The following OPALIN variants were observed in gnomAD, a reference collection of about 807,000 sequenced individuals.
The protein encoded by OPALIN is oligodendrocytic myelin paranodal and inner loop protein, also known as transmembrane protein 10.
OPALIN carries 15 observed loss-of-function variants against 17.8 expected under a neutral mutation model. The ratio of observed to expected loss-of-function variants is 0.84; its 90% CI spans 0.56 to 1.29. The LOEUF (loss-of-function observed/expected upper bound fraction) is 1.29. Ranked by LOEUF, OPALIN falls within the 50% of genes most tolerant of loss-of-function variation. The pLI is 0.00. For synonymous variants in OPALIN, 62 were observed against 63.8 expected, an observed-to-expected ratio of 0.97 and a Z score of 0.14; for missense variants, 170 against 176.0, an observed-to-expected ratio of 0.97 and a Z score of 0.19.
rs527238251 is a variant in OPALIN, at chr10:96,358,790, T to A, written c.3+104A>T. 7 of 1,198,538 alleles carry A rather than the reference T, an allele frequency of 5.8e-6. No individual in the cohort carries two copies. In the Admixed American group the frequency reaches 1.1e-4, roughly 19 times the overall value. 74.2% of individuals were successfully genotyped at this position (1,198,538 alleles called of 1,614,324 possible). ...GTATTTTGCATATAGGAAAATAATT[T>A]AAAATAAAGTCCCTTTACTTCATTG... On this transcript the variant is annotated intron_variant, in intron 1 of 5. Coordinates refer to ENST00000371172, the MANE Select transcript of OPALIN (RefSeq NM_033207.5).
intron 1 of OPALIN, among the ~76,000 whole-genome samples, chr10:96,356,134 T>A (rs1296345626): frequency 6.6e-6 from 1 of 152,166 alleles, no homozygotes; most frequent in Non-Finnish European, 1.5e-5. Flanking sequence ...AGTGGTCTTG[T>A]TCCCACTTTC....
At chr10:96,350,260 G>A (rs1187723328) in intron 3 of OPALIN, among the ~76,000 whole-genome samples, 3 of 152,122 alleles carry the variant, frequency 2.0e-5, no homozygotes, top group Admixed American at 6.5e-5. Context: ...CTGTTGCCCA[G>A]GCTGGAGTGC....
chr10:96,355,387 T>A, intron 1 of OPALIN, 97 bp from the exon 2 acceptor site: 2 of 1,119,794 alleles, frequency 1.8e-6, no homozygotes, highest in Non-Finnish European at 2.7e-6. Flanking sequence ...TTCCGAGAGG[T>A]CATTGATCCT....
At chr10:96,346,183 C>A in intron 5 of OPALIN, 66 bp from the exon 6 acceptor site, 2 of 1,438,990 alleles carry the variant, frequency 1.4e-6, no homozygotes, top group Non-Finnish European at 1.9e-6. Flanking sequence ...GATGGACTAA[C>A]AGCAACCACA....
chr10:96,357,652 C>A (rs553517236), intron 1 of OPALIN, among the ~76,000 whole-genome samples: 1 of 152,148 alleles, frequency 6.6e-6, no homozygotes, highest in African/African-American at 2.4e-5. Flanking sequence ...AAGGGAATAC[C>A]GTAATGTCAT....
At chr10:96,350,831 T>C (rs529055900) in intron 3 of OPALIN, among the ~76,000 whole-genome samples, 1 of 152,336 alleles carries the variant, frequency 6.6e-6, no homozygotes, top group East Asian at 1.9e-4. Context: ...TCTGGAAATA[T>C]TGAAGATAAT....
In OPALIN at chr10:96,345,963, A is replaced by C. The variant is rs756323238; in HGVS notation, c.404T>G (p.Val135Gly). ...MERRRGLWWLVPRLSLE is the reference protein window; with the variant it reads ...MERRRGLWWLGPRLSLE ...GCATCATTCCAGGCTCAGTCTGGGC[A>C]CAAGCCACCACAATCCCCTCCTTCT... The change falls in exon 6 of 6, where the codon GTG becomes GGG. Residue 135 changes from valine (V) to glycine (G), a missense_variant. Coordinates refer to ENST00000371172, the MANE Select transcript of OPALIN (RefSeq NM_033207.5). 8 of 1,613,998 alleles carry C rather than the reference A, an allele frequency of 5.0e-6. No homozygotes were observed. Among genetic ancestry groups the C allele is most frequent in the African/African-American group, 1.3e-5 (1 of 74,908 alleles).
intron 3 of OPALIN, among the ~76,000 whole-genome samples, chr10:96,350,547 T>G (rs911392301): frequency 6.6e-5 from 10 of 152,228 alleles, no homozygotes; most frequent in African/African-American, 2.4e-4. Context: ...TTAAAAAAAT[T>G]TATTTGCACT....
chr10:96,348,247 C>T, intron 5 of OPALIN, 42 bp downstream of exon 5: 2 of 925,130 alleles, frequency 2.2e-6, no homozygotes, highest in South Asian at 3.8e-5. Context: ...AGCTTGTTTA[C>T]TGTGTGAATG....
In OPALIN at chr10:96,351,447, A is replaced by G. The variant is rs779402508; in HGVS notation, c.40-37T>C. 5 of 1,395,040 alleles carry G rather than the reference A, an allele frequency of 3.6e-6. No individual in the cohort carries two copies. The East Asian group carries it at 9.7e-5, about 27-fold the overall frequency. 86.4% of individuals were successfully genotyped at this position (1,395,040 alleles called of 1,614,324 possible). On this transcript the variant is annotated intron_variant, in intron 2 of 5. Coordinates refer to ENST00000371172, the MANE Select transcript of OPALIN (RefSeq NM_033207.5). ...AAGAACATATATTGTAAAAGAACAA[A>G]AAGTCTATAGAATATACATTATACA...
chr10:96,348,270 T>C lies in OPALIN; in HGVS notation c.249+19A>G. ...TACTGTGTGAATGGTATATAGAGAG[T>C]ATAACCAAGAGTTCTTACCTCAGAT... is the stretch of plus-strand genomic sequence containing the variant. On this transcript the variant is annotated intron_variant, in intron 5 of 5. Transcript: ENST00000371172. 1 of 1,349,244 alleles carries C rather than the reference T, an allele frequency of 7.4e-7. No individual in the cohort carries two copies. Among genetic ancestry groups the C allele is most frequent in the East Asian group, 2.3e-5 (1 of 43,276 alleles). 83.6% of individuals were successfully genotyped at this position (1,349,244 alleles called of 1,614,324 possible). A position where few individuals can be genotyped will look rare whatever the true frequency, so the allele number is the denominator to read the frequency against.
chr10:96,355,242 C>T lies in OPALIN; in HGVS notation c.39+13G>A. 6.2e-7 allele frequency: 1 copy of T among 1,609,484 alleles called. No homozygotes were observed. Among genetic ancestry groups the T allele is most frequent in the African/African-American group, 1.3e-5 (1 of 74,424 alleles). ...CTCTGCGTTGCCTGGTGAATGGGGG[C>T]TGCTGTACTTACTGTGTTCGCCGGC... On this transcript the variant is annotated intron_variant, in intron 2 of 5. Coordinates refer to ENST00000371172, the MANE Select transcript of OPALIN (RefSeq NM_033207.5).
At position 96,347,216 on chromosome 10, in the gene OPALIN, C is replaced by A. The variant is rs188146892; in HGVS notation, c.249+1073G>T. Among the ~76,000 whole-genome samples, 22 of 151,934 alleles carry A rather than the reference C, an allele frequency of 1.4e-4. No individual in the cohort carries two copies. The East Asian group carries it at 2.3e-3, about 16-fold the overall frequency. ...AAGTGATTCTCCTGCTTCAGCCCCC[C>A]ACGAAGTAGCTGGGATTACAGGCAC... On this transcript the variant is annotated intron_variant, in intron 5 of 5. Coordinates refer to ENST00000371172, the MANE Select transcript of OPALIN (RefSeq NM_033207.5).
chr10:96,350,383 T>G (rs956206164), intron 3 of OPALIN, among the ~76,000 whole-genome samples: 1 of 152,156 alleles, frequency 6.6e-6, no homozygotes, highest in Non-Finnish European at 1.5e-5. Flanking sequence ...ACCCAGCTAA[T>G]TTTTGTATTT....
chr10:96,351,226 CT>C, intron 3 of OPALIN, 151 bp downstream of exon 3: 1 of 598,958 alleles, frequency 1.7e-6, no homozygotes, highest in Non-Finnish European at 3.0e-6. Context: ...TTCTCCCTCA[CT>C]TTTGAGCGGA....
intron 4 of OPALIN, among the ~76,000 whole-genome samples, chr10:96,348,637 T>G (rs1014914732): frequency 5.3e-5 from 8 of 152,260 alleles, no homozygotes; most frequent in African/African-American, 1.9e-4. Flanking sequence ...TCCTCTCTAC[T>G]TTAGTATATG....
chr10:96,352,806 A>C (rs1166426886), intron 2 of OPALIN, among the ~76,000 whole-genome samples: 6 of 152,106 alleles, frequency 3.9e-5, no homozygotes, highest in African/African-American at 1.4e-4. Flanking sequence ...ACTTGTGTGA[A>C]CCGAAGGCAC....
At position 96,345,648 on chromosome 10, in the gene OPALIN, C is replaced by A. The variant is rs540300509; in HGVS notation, c.*293G>T. 3 of 314,330 alleles carry A rather than the reference C, an allele frequency of 9.5e-6. No individual in the cohort carries two copies. Among genetic ancestry groups the A allele is most frequent in the African/African-American group, 6.4e-5 (3 of 46,902 alleles). 19.5% of individuals were successfully genotyped at this position (314,330 alleles called of 1,614,324 possible). On this transcript the variant is annotated 3_prime_UTR_variant, in exon 6 of 6. Coordinates refer to ENST00000371172, the MANE Select transcript of OPALIN (RefSeq NM_033207.5). ...GAAGGCAAGACACTCAGAAACCAAGCCCCTTTCCCAAAATGACAAAGAAAA... is the reference window on the plus strand; with the variant it reads ...GAAGGCAAGACACTCAGAAACCAAGACCCTTTCCCAAAATGACAAAGAAAA...
intron 1 of OPALIN, chr10:96,357,206 T>C: frequency 1.0e-6 from 1 of 974,558 alleles, no homozygotes; most frequent in South Asian, 4.7e-5. Flanking sequence ...CACTGAGGAC[T>C]GATGTCAGCA....
Sources: gnomAD v4.1 joint callset for allele counts (sites outside exome capture counted in the v4.1 genomes callset) on GRCh38, gnomAD v4.1.1 for gene constraint, MANE v1.5 for transcripts, NCBI Gene and HGNC (gene_info 2026-07-23, HGNC 2026-07-21) for gene names.